PSAP: variants seen among roughly 807,000 people sequenced by gnomAD.
PSAP encodes the protein precursor of saposins.
In PSAP, 25 loss-of-function variants were observed where a neutral mutation model predicts 66.0. That is an observed-to-expected ratio of 0.38 (90% CI 0.28 to 0.53). The LOEUF (loss-of-function observed/expected upper bound fraction) is 0.53. Among genes scored for constraint, PSAP ranks in the 20% least tolerant of loss-of-function variants. The pLI is 0.83. For synonymous variants in PSAP, 273 were observed against 258.9 expected, an observed-to-expected ratio of 1.05 and a Z score of -0.52; for missense variants, 649 against 668.8, an observed-to-expected ratio of 0.97 and a Z score of 0.33.
At chr10:71,840,381 A>G (rs1003235838) in intron 1 of PSAP, among the ~76,000 whole-genome samples, 6 of 152,212 alleles carry the variant, frequency 3.9e-5, no homozygotes, top group African/African-American at 1.4e-4. Context: ...GAATTCATGC[A>G]CTTCCATCCC....
intron 7 of PSAP, among the ~76,000 whole-genome samples, chr10:71,824,838 G>A (rs1842370868): frequency 6.6e-6 from 1 of 152,186 alleles, no homozygotes; most frequent in African/African-American, 2.4e-5. Flanking sequence ...TAGCTATGAG[G>A]AAGTACTTCA....
chr10:71,825,757 T>C (rs759766626), intron 7 of PSAP, 80 bp downstream of exon 7: 7 of 1,359,618 alleles, frequency 5.1e-6, no homozygotes, highest in South Asian at 3.5e-5. Flanking sequence ...AACTAAACCA[T>C]ATAATTTTCA....
In PSAP at chr10:71,817,348, A is replaced by C; in HGVS notation, c.*93T>G. 7.3e-7 allele frequency: 1 copy of C among 1,377,586 alleles called. No individual in the cohort carries two copies. The highest frequency in any genetic ancestry group is 1.0e-6 in the Non-Finnish European group (1 of 965,136). 85.3% of individuals were successfully genotyped at this position (1,377,586 alleles called of 1,614,324 possible). A position where few individuals can be genotyped will look rare whatever the true frequency, so the allele number is the denominator to read the frequency against. Reference sequence around the variant, plus strand: ...GGTGGGGGAGCCCTATTTTTATAACAAAGTCAAACAGATCTGTGCGTTCAT... The same window carrying C: ...GGTGGGGGAGCCCTATTTTTATAACCAAGTCAAACAGATCTGTGCGTTCAT... On this transcript the variant is annotated 3_prime_UTR_variant, in exon 14 of 14. Transcript: ENST00000394936.
intron 8 of PSAP, 96 bp from the exon 9 acceptor site, chr10:71,820,431 G>C (rs1842277237): frequency 1.0e-6 from 1 of 997,014 alleles, no homozygotes; most frequent in Non-Finnish European, 1.6e-6. Flanking sequence ...GACCAGGGTG[G>C]GTTAGCACAT....
At chr10:71,835,979 C>T (rs188272498) in intron 1 of PSAP, among the ~76,000 whole-genome samples, 1 of 152,214 alleles carries the variant, frequency 6.6e-6, no homozygotes, top group East Asian at 1.9e-4. Flanking sequence ...TGTTCTTCCT[C>T]CAGGAGAGGG....
rs981794672 is a variant in PSAP at position 71,851,215 on chromosome 10, C to T, written c.7G>A (p.Ala3Thr). The T allele has an allele frequency of 9.0e-6, 14 of 1,551,102 alleles. No homozygotes were observed. Among genetic ancestry groups the T allele is most frequent in the East Asian group, 2.4e-5 (1 of 40,918 alleles). MY[A>T]LFLLASLLGA... Reference sequence around the variant, plus strand: ...AGGAGGCTGGCCAGGAGGAAGAGGGCGTACATAGCGCCGTCTGACTCCGCA... The same window carrying T: ...AGGAGGCTGGCCAGGAGGAAGAGGGTGTACATAGCGCCGTCTGACTCCGCA... The change falls in exon 1 of 14, where the codon GCC (alanine) becomes ACC (threonine). Residue 3 changes from alanine to threonine, a missense_variant. Physicochemically the swap from Ala to Thr is moderately conservative, Grantham distance 58 (BLOSUM62 0). Transcript: ENST00000394936.
intron 1 of PSAP, among the ~76,000 whole-genome samples, chr10:71,848,965 C>T (rs1842875506): frequency 6.6e-6 from 1 of 152,224 alleles, no homozygotes; most frequent in Admixed American, 6.5e-5. Flanking sequence ...TGTGGTTAAC[C>T]ATAAGCCCAT....
At chr10:71,819,165 G>A (rs898511885) in intron 11 of PSAP, 54 bp from the exon 12 acceptor site, 9 of 1,507,458 alleles carry the variant, frequency 6.0e-6, no homozygotes, top group Admixed American at 5.1e-5. Flanking sequence ...CGAGCATAGT[G>A]GGGCACAAAA....
intron 1 of PSAP, among the ~76,000 whole-genome samples, chr10:71,846,283 T>C (rs1589460697): frequency 6.6e-6 from 1 of 152,200 alleles, no homozygotes; most frequent in Admixed American, 6.5e-5. Context: ...ATTATCATCT[T>C]GTCCCAACAT....
intron 7 of PSAP, among the ~76,000 whole-genome samples, chr10:71,822,839 T>C (rs1318765389): frequency 1.3e-5 from 2 of 152,158 alleles, no homozygotes; most frequent in East Asian, 1.9e-4. Flanking sequence ...AGCTAGACCA[T>C]GACTATGGCT....
chr10:71,829,715 G>A (rs182031771), intron 4 of PSAP, among the ~76,000 whole-genome samples: 28 of 152,164 alleles, frequency 1.8e-4, no homozygotes, highest in Admixed American at 9.8e-4. Context: ...AAAGGAACAG[G>A]AGGCCAGGCG....
In PSAP at chr10:71,819,013, C is replaced by T; in HGVS notation, c.1431+18G>A. The T allele has an allele frequency of 6.2e-7, 1 of 1,611,574 alleles. No individual in the cohort carries two copies. The highest frequency in any genetic ancestry group is 8.5e-7 in the Non-Finnish European group (1 of 1,177,740). The stretch of plus-strand genomic sequence containing the variant: ...GTTACAGCTGCCCGAGAGGACCACA[C>T]CACCCAGTGAGGCTCACCAAGCACA... On this transcript the variant is annotated intron_variant, in intron 12 of 13. Coordinates refer to ENST00000394936, the MANE Select transcript of PSAP (RefSeq NM_002778.4).
chr10:71,842,024 G>C (rs1381980976), intron 1 of PSAP, among the ~76,000 whole-genome samples: 2 of 150,498 alleles, frequency 1.3e-5, no homozygotes, highest in Admixed American at 1.3e-4. Context: ...AAAAAAAGCA[G>C]AACATCTCCG....
intron 6 of PSAP, among the ~76,000 whole-genome samples, chr10:71,826,422 G>A (rs1842400192): frequency 6.6e-6 from 1 of 152,224 alleles, no homozygotes; most frequent in Non-Finnish European, 1.5e-5. Context: ...CTTCTACAGA[G>A]AGAGGACCAA....
chr10:71,834,518 C>G lies in PSAP; in HGVS notation c.41-13G>C, dbSNP rs138010978. The G allele has an allele frequency of 1.1e-4, 173 of 1,613,402 alleles. No individual in the cohort carries two copies. The African/African-American group carries it at 2.0e-3, about 19-fold the overall frequency. On this transcript the variant is annotated splice_polypyrimidine_tract_variant and intron_variant, in intron 1 of 13. Transcript: ENST00000394936. ...GGGCCGGCTAGAGCTAAAATGAAAA[C>G]CAACGTGAGGAGGTGGCCCATTTTG...
intron 6 of PSAP, 62 bp from the exon 7 acceptor site, chr10:71,825,955 AC>A: frequency 7.1e-7 from 1 of 1,412,678 alleles, no homozygotes. Flanking sequence ...AACCCAACCA[AC>A]AAAAACCCCC....
intron 2 of PSAP, among the ~76,000 whole-genome samples, chr10:71,832,709 G>T (rs1842543421): frequency 6.6e-6 from 1 of 152,124 alleles, no homozygotes; most frequent in Non-Finnish European, 1.5e-5. Context: ...TGTGGAAACA[G>T]AGGGTCAAGG....
chr10:71,835,967 C>T (rs1173334214), intron 1 of PSAP, among the ~76,000 whole-genome samples: 4 of 152,110 alleles, frequency 2.6e-5, no homozygotes, highest in East Asian at 1.9e-4. Context: ...TAGGTCAGTA[C>T]GTGTTCTTCC....
At chr10:71,828,187 T>TA (rs759268859) in intron 5 of PSAP, 30 bp from the exon 6 acceptor site, 1 of 1,613,676 alleles carries the variant, frequency 6.2e-7, no homozygotes, top group African/African-American at 1.3e-5. Context: ...GTTTGCAACT[T>TA]AAGAGGACTC....
Sources: allele counts gnomAD v4.1 joint callset (sites outside exome capture counted in the v4.1 genomes callset), GRCh38; gene constraint gnomAD v4.1.1; transcripts MANE v1.5; gene names NCBI Gene and HGNC (gene_info 2026-07-23, HGNC 2026-07-21).